ADARB2: variants seen among roughly 807,000 people sequenced by gnomAD.
ADARB2 encodes inactive double-stranded RNA-specific editase B2.
A neutral mutation model predicts 62.2 loss-of-function variants in ADARB2; 25 were observed. The observed-to-expected ratio is 0.40, with a 90% confidence interval of 0.29 to 0.56. The LOEUF (loss-of-function observed/expected upper bound fraction) is 0.56. Ranked by LOEUF, ADARB2 falls within the 20% of genes least tolerant of loss-of-function variation. The pLI is 0.43. For synonymous variants in ADARB2, 572 were observed against 500.8 expected (o/e 1.14, Z -1.90); for missense variants, 1,071 against 1,077.4 (o/e 0.99, Z 0.08).
intron 1 of ADARB2, among the ~76,000 whole-genome samples, chr10:1,603,128 TAC>T (rs1833446984): frequency 7.5e-6 from 1 of 133,960 alleles, no homozygotes; most frequent in South Asian, 2.6e-4. Flanking sequence ...CACACACCTA[TAC>T]ACACATAAAC....
chr10:1,661,377 T>C (rs975366450), intron 1 of ADARB2, among the ~76,000 whole-genome samples: 2 of 152,150 alleles, frequency 1.3e-5, no homozygotes, highest in African/African-American at 4.8e-5. Flanking sequence ...TCACAGGTTA[T>C]CCCTTTCTTC....
chr10:1,212,047 G>A (rs1219106869), intron 7 of ADARB2, among the ~76,000 whole-genome samples: 3 of 152,172 alleles, frequency 2.0e-5, no homozygotes, highest in Non-Finnish European at 4.4e-5. Flanking sequence ...ACGGCCACGT[G>A]TGTCCTCCTG....
chr10:1,395,067 C>T (rs938631556), intron 1 of ADARB2: 2 of 436,956 alleles, frequency 4.6e-6, no homozygotes, highest in East Asian at 1.4e-4. Flanking sequence ...CAGATGCGTG[C>T]CACCATAACT....
intron 1 of ADARB2, among the ~76,000 whole-genome samples, chr10:1,495,854 A>G (rs1235259040): frequency 6.6e-6 from 1 of 151,986 alleles, no homozygotes; most frequent in Non-Finnish European, 1.5e-5. Context: ...CAACATTACC[A>G]TCATCTTCAT....
At chr10:1,516,511 G>C (rs28539818) in intron 1 of ADARB2, among the ~76,000 whole-genome samples, 5 of 150,958 alleles carry the variant, frequency 3.3e-5, no homozygotes, top group Non-Finnish European at 5.9e-5. Context: ...TGCTCTGTGC[G>C]GGCTGCTCTG....
intron 1 of ADARB2, among the ~76,000 whole-genome samples, chr10:1,689,578 G>C (rs934361956): frequency 3.9e-5 from 6 of 152,152 alleles, no homozygotes; most frequent in Non-Finnish European, 7.4e-5. Flanking sequence ...ACTTCCTAGA[G>C]AGCATCCCAC....
At chr10:1,318,555 G>A (rs1463467712) in intron 3 of ADARB2, among the ~76,000 whole-genome samples, 3 of 152,118 alleles carry the variant, frequency 2.0e-5, no homozygotes, top group Admixed American at 6.5e-5. Context: ...ACACATCATC[G>A]CAGAGTGCTG....
intron 3 of ADARB2, among the ~76,000 whole-genome samples, chr10:1,318,302 A>G (rs1190753388): frequency 6.6e-6 from 1 of 152,118 alleles, no homozygotes; most frequent in East Asian, 1.9e-4. Flanking sequence ...CCATTTGTTT[A>G]TTTTTGCAAC....
Position 1,203,528 on chromosome 10 carries a change from G to A in ADARB2, c.1683-3381C>T, listed in dbSNP as rs1346022684. On this transcript the variant is annotated intron_variant, in intron 7 of 9. Transcript: ENST00000381312. ...GTCCTCAGCTGCCACCCGTCCCGGC[G>A]TCTGCAGCTCTGCAGGGCTGGCTGT... Among the ~76,000 whole-genome samples the A allele has an allele frequency of 7.9e-5, 12 of 152,228 alleles. No homozygotes were observed. The East Asian group carries it at 1.2e-3, about 15-fold the overall frequency.
intron 1 of ADARB2, among the ~76,000 whole-genome samples, chr10:1,528,222 G>A (rs574849763): frequency 6.6e-5 from 10 of 152,308 alleles, no homozygotes; most frequent in African/African-American, 1.7e-4. Flanking sequence ...CAGCAGCTCC[G>A]CGCCTCCTGT....
intron 1 of ADARB2, among the ~76,000 whole-genome samples, chr10:1,628,912 G>T (rs1327138353): frequency 6.6e-6 from 1 of 152,236 alleles, no homozygotes; most frequent in East Asian, 1.9e-4. Context: ...CCTGGTGTCC[G>T]TTGGGTTCTG....
chr10:1,699,016 C>G (rs1160256978), intron 1 of ADARB2, among the ~76,000 whole-genome samples: 1 of 152,256 alleles, frequency 6.6e-6, no homozygotes, highest in Non-Finnish European at 1.5e-5. Context: ...CCACCTCGGC[C>G]TCCCGAAGTG....
At chr10:1,592,339 C>T (rs1371429460) in intron 1 of ADARB2, among the ~76,000 whole-genome samples, 71 of 140,576 alleles carry the variant, frequency 5.1e-4, no homozygotes, top group African/African-American at 1.8e-3. Flanking sequence ...AGCCACCCTC[C>T]ATAGGTCTCC....
Position 1,298,720 on chromosome 10 carries a change from ATTTTTTTTTTTTTTTTTTTTTTTTTTT to A in ADARB2, c.1078-27678_1078-27652del, listed in dbSNP as rs75978268. ...GCCGACTATCCCATGTGCGACGGGA[ATTTTTTTTTTTTTTTTTTTTTTTTTTT>A]TTTTTTTTTTTTTTTTTTTTTTTTT... On this transcript the variant is annotated intron_variant, in intron 3 of 9. Transcript: ENST00000381312. Among the ~76,000 whole-genome samples, 123 of 110,778 alleles carry A rather than the reference ATTTTTTTTTTTTTTTTTTTTTTTTTTT, an allele frequency of 1.1e-3. 4 individuals carry two copies. Among genetic ancestry groups the A allele is most frequent in the African/African-American group, 4.7e-3 (109 of 23,424 alleles). The allele number at this position is 110,778 out of a possible 152,430, so 72.7% of individuals were successfully genotyped here. A position where few individuals can be genotyped will look rare whatever the true frequency, so the allele number is the denominator to read the frequency against.
intron 1 of ADARB2, among the ~76,000 whole-genome samples, chr10:1,592,398 C>G (rs78402715): frequency 3.7e-5 from 2 of 54,168 alleles, no homozygotes; most frequent in African/African-American, 1.2e-4. Context: ...CCCAAGCCAC[C>G]CTCCATAGGT....
chr10:1,274,613 AAC>A (rs1400384890), intron 3 of ADARB2, among the ~76,000 whole-genome samples: 2 of 152,202 alleles, frequency 1.3e-5, no homozygotes, highest in African/African-American at 4.8e-5. Flanking sequence ...AGTGCATGCA[AAC>A]ACAGATTTCA....
chr10:1,647,684 G>A (rs1834061500), intron 1 of ADARB2, among the ~76,000 whole-genome samples: 2 of 151,822 alleles, frequency 1.3e-5, no homozygotes, highest in African/African-American at 2.4e-5. Flanking sequence ...GTGTATACAT[G>A]TGTGTATGTG....
At chr10:1,678,055 A>T in intron 1 of ADARB2, 2 of 545,240 alleles carry the variant, frequency 3.7e-6, no homozygotes, top group Non-Finnish European at 4.7e-6. Context: ...CAAACTGGAT[A>T]ATTGGAACTA....
intron 3 of ADARB2, among the ~76,000 whole-genome samples, chr10:1,356,336 A>G (rs768930913): frequency 1.3e-5 from 2 of 152,230 alleles, no homozygotes; most frequent in Non-Finnish European, 2.9e-5. Context: ...CCACAGGCGC[A>G]TGGGAAGAAT....
Sources: allele counts gnomAD v4.1 joint callset (sites outside exome capture counted in the v4.1 genomes callset), GRCh38; gene constraint gnomAD v4.1.1; transcripts MANE v1.5; gene names NCBI Gene and HGNC (gene_info 2026-07-23, HGNC 2026-07-21).